Variants in HSPA12A observed in about 807,000 individuals in gnomAD.
HSPA12A encodes heat shock 70 kDa protein 12A.
In HSPA12A, 28 loss-of-function variants were observed where a neutral mutation model predicts 69.2. That is an observed-to-expected ratio of 0.40 (90% CI 0.30 to 0.55). The LOEUF (loss-of-function observed/expected upper bound fraction) is 0.55, where lower values mean the gene tolerates loss of function less well. Among genes scored for constraint, HSPA12A ranks in the 20% least tolerant of loss-of-function variants. The probability of loss-of-function intolerance (pLI) is 0.38; values close to 1 mark genes in which losing one functional copy is unlikely to be tolerated. For synonymous variants in HSPA12A, 345 were observed against 370.5 expected (o/e 0.93, Z 0.79); for missense variants, 686 against 900.7 (o/e 0.76, Z 3.05).
rs368776173 is a variant in HSPA12A at position 116,736,723 on chromosome 10, A to G, written c.40+5707T>C. Among the ~76,000 whole-genome samples the G allele has an allele frequency of 1.8e-4, 27 of 152,296 alleles. No individual in the cohort carries two copies. In the South Asian group the frequency reaches 3.1e-3, roughly 18 times the overall value. Reference sequence around the variant, plus strand: ...TCACCTCGAGAAGTTTGAAAAGGCAATGAAATGGATTATCCCCTAGAGCCT... The same window carrying G: ...TCACCTCGAGAAGTTTGAAAAGGCAGTGAAATGGATTATCCCCTAGAGCCT... On this transcript the variant is annotated intron_variant, in intron 1 of 11. Transcript: ENST00000369209.
At position 116,710,843 on chromosome 10, in the gene HSPA12A, C is replaced by T. The variant is rs531876982; in HGVS notation, c.41-3558G>A. On this transcript the variant is annotated intron_variant, in intron 1 of 11. Coordinates refer to ENST00000369209, the MANE Select transcript of HSPA12A (RefSeq NM_025015.3). This position sits in a 1 kb window ranked among gnomAD's most constrained non-coding sequence, Gnocchi z 4.1. ...AATATACACAGCCAGTAGAGACATG[C>T]TACTGTTTCTCTACTTCACTACTTA... Among the ~76,000 whole-genome samples the T allele has an allele frequency of 9.6e-4, 146 of 152,230 alleles. No homozygotes were observed. The highest frequency in any genetic ancestry group is 1.8e-3 in the Non-Finnish European group (122 of 68,002).
chr10:116,745,048 G>A (rs1302183701), upstream of HSPA12A, among the ~76,000 whole-genome samples: 5 of 152,068 alleles, frequency 3.3e-5, no homozygotes, highest in African/African-American at 7.2e-5. Flanking sequence ...CACCTGGGGG[G>A]TCACTCCCCC....
rs1850392616 is a variant in HSPA12A at position 116,710,618 on chromosome 10, C to G, written c.41-3333G>C. Among the ~76,000 whole-genome samples the G allele has an allele frequency of 6.6e-6, 1 of 152,220 alleles. No homozygotes were observed. The highest frequency in any genetic ancestry group is 2.4e-5 in the African/African-American group (1 of 41,456). ...CTGATCACTCAGCCAGGCCTAGAGG[C>G]AGCCGAACTTCATGGACTTTTTCCA... is the stretch of plus-strand genomic sequence containing the variant. On this transcript the variant is annotated intron_variant, in intron 1 of 11. Transcript: ENST00000369209. The surrounding 1 kb of genome is among the most constrained non-coding windows in gnomAD (Gnocchi z 4.1).
At chr10:116,787,440 C>CAAAAAA (rs776783179) in intron 2 of HSPA12A, among the ~76,000 whole-genome samples, 1 of 68,612 alleles carries the variant, frequency 1.5e-5, no homozygotes, top group Non-Finnish European at 2.8e-5. Flanking sequence ...CTCTAGCCAG[C>CAAAAAA]AAAAAAAAAA....
Position 116,798,382 on chromosome 10 carries a change from C to G in HSPA12A, c.91+36553G>C, listed in dbSNP as rs566213562. ...CCTGGGCAAACAGGGACAAGTTGGCCCCCCTGCTGGCCACTAAGACAGACA... is the reference window on the plus strand; with the variant it reads ...CCTGGGCAAACAGGGACAAGTTGGCGCCCCTGCTGGCCACTAAGACAGACA... On this transcript the variant is annotated intron_variant, in intron 2 of 12. Coordinates refer to the HSPA12A transcript ENST00000635765. Among the ~76,000 whole-genome samples, 12 of 152,260 alleles carry G rather than the reference C, an allele frequency of 7.9e-5. No homozygotes were observed. The East Asian group carries it at 1.5e-3, about 20-fold the overall frequency.
intron 2 of HSPA12A, chr10:116,750,483 A>G (rs1262266833): frequency 1.9e-6 from 1 of 518,700 alleles, no homozygotes; most frequent in Non-Finnish European, 3.6e-6. Context: ...GCAGAAGTGC[A>G]TCGAAAGCAC....
At chr10:116,785,435 A>T (rs1048273271) in intron 2 of HSPA12A, among the ~76,000 whole-genome samples, 8 of 152,092 alleles carry the variant, frequency 5.3e-5, no homozygotes, top group Non-Finnish European at 8.8e-5. Context: ...GGCCACCAGC[A>T]GAGCATGGCA....
chr10:116,757,834 G>A (rs1401991149), intron 2 of HSPA12A, among the ~76,000 whole-genome samples: 1 of 152,180 alleles, frequency 6.6e-6, no homozygotes. Context: ...TAGAGACTGA[G>A]CGACCTATTA....
intron 2 of HSPA12A, among the ~76,000 whole-genome samples, chr10:116,774,793 C>T (rs1554890925): frequency 6.6e-6 from 1 of 152,146 alleles, no homozygotes; most frequent in Admixed American, 6.5e-5. Context: ...TGGCCTGACT[C>T]CACCCTGACC....
chr10:116,846,418 C>T (rs1244017614), intron 1 of HSPA12A, among the ~76,000 whole-genome samples: 5 of 151,124 alleles, frequency 3.3e-5, no homozygotes, highest in South Asian at 2.1e-4. Flanking sequence ...GGCACAATCT[C>T]GGCTCACTAC....
intron 2 of HSPA12A, among the ~76,000 whole-genome samples, chr10:116,804,817 T>C (rs1845034191): frequency 1.3e-5 from 2 of 152,222 alleles, no homozygotes; most frequent in South Asian, 4.1e-4. Context: ...TTGTGGGACC[T>C]GTTTCCTTCT....
At chr10:116,714,541 G>T (rs1554883540) in intron 1 of HSPA12A, among the ~76,000 whole-genome samples, 1 of 152,044 alleles carries the variant, frequency 6.6e-6, no homozygotes, top group Non-Finnish European at 1.5e-5. Flanking sequence ...TCCCTGTCCT[G>T]GGCCTGCCCC....
At chr10:116,742,775 C>T (rs1180976060), upstream of HSPA12A, among the ~76,000 whole-genome samples, 18 of 151,914 alleles carry the variant, frequency 1.2e-4, no homozygotes, top group African/African-American at 4.3e-4. Flanking sequence ...CCCGGCCTCT[C>T]CTCTCCCGGC....
At chr10:116,818,054 A>G (rs1845341016) in intron 2 of HSPA12A, among the ~76,000 whole-genome samples, 1 of 152,192 alleles carries the variant, frequency 6.6e-6, no homozygotes, top group Admixed American at 6.5e-5. Context: ...GGGCAACTGC[A>G]TCAGCCTCCT....
At chr10:116,706,222 C>T (rs1450091446) in intron 2 of HSPA12A, among the ~76,000 whole-genome samples, 2 of 148,428 alleles carry the variant, frequency 1.3e-5, no homozygotes, top group Non-Finnish European at 3.0e-5. Flanking sequence ...GCAGTTTACA[C>T]TTTTTTTTTA....
At chr10:116,789,883 C>T (rs1844664657) in intron 2 of HSPA12A, among the ~76,000 whole-genome samples, 1 of 152,020 alleles carries the variant, frequency 6.6e-6, no homozygotes, top group South Asian at 2.1e-4. Context: ...CCAGACGTCC[C>T]TCTTAAGGTC....
chr10:116,716,718 T>A (rs1468743412), intron 1 of HSPA12A, among the ~76,000 whole-genome samples: 3 of 152,162 alleles, frequency 2.0e-5, no homozygotes, highest in Non-Finnish European at 4.4e-5. Flanking sequence ...CTGAGGAGGA[T>A]GAAGAGAGTG....
intron 2 of HSPA12A, among the ~76,000 whole-genome samples, chr10:116,826,037 G>A (rs1007157275): frequency 2.0e-5 from 3 of 152,118 alleles, no homozygotes; most frequent in African/African-American, 4.8e-5. Context: ...CATGGAAAGG[G>A]AATTCCATTC....
intron 2 of HSPA12A, among the ~76,000 whole-genome samples, chr10:116,764,941 G>A (rs549141727): frequency 6.6e-6 from 1 of 152,250 alleles, no homozygotes; most frequent in South Asian, 2.1e-4. Context: ...CATTTAGCAG[G>A]CTTGTTGGGG....
Sources: gnomAD v4.1 joint callset for allele counts (sites outside exome capture counted in the v4.1 genomes callset) on GRCh38, gnomAD v4.1.1 for gene constraint, Gnocchi (gnomAD v3.1) non-coding constraint, MANE v1.5 for transcripts, NCBI Gene and HGNC (gene_info 2026-07-23, HGNC 2026-07-21) for gene names.